The following SUPT3H variants were observed in gnomAD, a reference collection of about 807,000 sequenced individuals.
SUPT3H encodes the protein transcription initiation protein SPT3 homolog.
Under a neutral mutation model 44.3 loss-of-function variants are expected in SUPT3H, and 44 were observed. The ratio of observed to expected loss-of-function variants is 0.99; its 90% CI spans 0.78 to 1.28. SUPT3H has a LOEUF of 1.28. Among genes scored for constraint, SUPT3H ranks in the 50% most tolerant of loss-of-function variants. The pLI is 0.00. For synonymous variants in SUPT3H, 124 were observed against 125.6 expected, an observed-to-expected ratio of 0.99 and a Z score of 0.09; for missense variants, 380 against 387.1, an observed-to-expected ratio of 0.98 and a Z score of 0.15.
At chr6:44,886,491 C>A (rs1448082653) in intron 10 of SUPT3H, among the ~76,000 whole-genome samples, 1 of 152,176 alleles carries the variant, frequency 6.6e-6, no homozygotes, top group Non-Finnish European at 1.5e-5. Context: ...GAACTTTCAA[C>A]CCAGAATTTC....
At chr6:44,889,124 A>T (rs1391790927) in intron 10 of SUPT3H, among the ~76,000 whole-genome samples, 1 of 152,004 alleles carries the variant, frequency 6.6e-6, no homozygotes, top group Non-Finnish European at 1.5e-5. Flanking sequence ...AGAGGATACA[A>T]ACAAATGGAA....
chr6:45,257,994 A>G (rs544575572), intron 2 of SUPT3H, among the ~76,000 whole-genome samples: 2 of 152,360 alleles, frequency 1.3e-5, no homozygotes, highest in Non-Finnish European at 1.5e-5. Flanking sequence ...ACGAAACATA[A>G]TAATTCTCGA....
At chr6:45,001,805 C>T (rs1237085888) in intron 6 of SUPT3H, among the ~76,000 whole-genome samples, 1 of 152,016 alleles carries the variant, frequency 6.6e-6, no homozygotes, top group Non-Finnish European at 1.5e-5. Flanking sequence ...CAAGAGATTG[C>T]AGTCTCTGAG....
At chr6:45,212,527 G>A in intron 2 of SUPT3H, among the ~76,000 whole-genome samples, 1 of 75,642 alleles carries the variant, frequency 1.3e-5, no homozygotes, top group Non-Finnish European at 2.8e-5. Flanking sequence ...GTGTGTGTGT[G>A]TGTGTGTGTG....
intron 2 of SUPT3H, among the ~76,000 whole-genome samples, chr6:45,342,894 C>T (rs1790101573): frequency 6.6e-6 from 1 of 152,042 alleles, no homozygotes; most frequent in East Asian, 1.9e-4. Context: ...TCATGAAAAC[C>T]ATAGAATGTC....
At chr6:45,200,233 G>A (rs1048056425) in intron 2 of SUPT3H, among the ~76,000 whole-genome samples, 1 of 151,340 alleles carries the variant, frequency 6.6e-6, no homozygotes, top group Non-Finnish European at 1.5e-5. Context: ...ATCCTAAAAT[G>A]TAAACATAAT....
intron 10 of SUPT3H, among the ~76,000 whole-genome samples, chr6:44,865,195 G>A (rs572788877): frequency 2.0e-5 from 3 of 152,274 alleles, no homozygotes; most frequent in East Asian, 1.9e-4. Flanking sequence ...CCACCTCAGC[G>A]TGGATTTCAC....
chr6:44,846,877 G>A (rs1367675807), intron 10 of SUPT3H, among the ~76,000 whole-genome samples: 4 of 152,212 alleles, frequency 2.6e-5, no homozygotes, highest in Middle Eastern at 3.4e-3. Flanking sequence ...TGATCTCTCC[G>A]CCTTAGCCTC....
chr6:45,148,694 T>A (rs1168201394), intron 2 of SUPT3H, among the ~76,000 whole-genome samples: 7 of 152,170 alleles, frequency 4.6e-5, no homozygotes, highest in Admixed American at 3.3e-4. Context: ...CTCTTCTGCT[T>A]CCACGAGGGA....
chr6:45,103,944 G>A (rs1004106126), intron 3 of SUPT3H, among the ~76,000 whole-genome samples: 3 of 152,030 alleles, frequency 2.0e-5, no homozygotes, highest in African/African-American at 4.8e-5. Context: ...TCAAAGAGCC[G>A]AAAGGAAAAG....
chr6:45,270,290 A>G (rs1775910716), intron 2 of SUPT3H, among the ~76,000 whole-genome samples: 1 of 151,912 alleles, frequency 6.6e-6, no homozygotes, highest in African/African-American at 2.4e-5. Flanking sequence ...ATACACTATT[A>G]ACTATATTAA....
chr6:45,263,370 T>C (rs998689110), intron 2 of SUPT3H, among the ~76,000 whole-genome samples: 2 of 152,066 alleles, frequency 1.3e-5, no homozygotes, highest in African/African-American at 4.8e-5. Context: ...TCTAAGCAAA[T>C]TAACAAAGGA....
chr6:44,948,806 G>A (rs1194013779), intron 9 of SUPT3H, among the ~76,000 whole-genome samples: 1 of 152,132 alleles, frequency 6.6e-6, no homozygotes, highest in East Asian at 1.9e-4. Context: ...CTGTAAACTA[G>A]TTCAACCATT....
intron 10 of SUPT3H, among the ~76,000 whole-genome samples, chr6:44,901,602 G>GA (rs1765071205): frequency 6.8e-6 from 1 of 147,756 alleles, no homozygotes; most frequent in Non-Finnish European, 1.5e-5. Context: ...ACACTCTGCA[G>GA]GATATTATCC....
At chr6:45,167,741 AT>A (rs1199536468) in intron 2 of SUPT3H, among the ~76,000 whole-genome samples, 1 of 151,786 alleles carries the variant, frequency 6.6e-6, no homozygotes, top group African/African-American at 2.4e-5. Context: ...CTTAACTTTG[AT>A]GAAACACAGC....
chr6:44,878,088 C>T (rs1777593629), intron 10 of SUPT3H, among the ~76,000 whole-genome samples: 1 of 152,214 alleles, frequency 6.6e-6, no homozygotes, highest in Non-Finnish European at 1.5e-5. Flanking sequence ...ATGGGCCAAA[C>T]ACTGAACCCT....
At chr6:45,069,892 T>C (rs1233960488) in intron 3 of SUPT3H, among the ~76,000 whole-genome samples, 1 of 152,060 alleles carries the variant, frequency 6.6e-6, no homozygotes, top group Non-Finnish European at 1.5e-5. Context: ...TCCCTTCCAC[T>C]GATATAAATA....
chr6:45,138,591 A>T (rs531337188), intron 2 of SUPT3H, among the ~76,000 whole-genome samples: 3 of 152,242 alleles, frequency 2.0e-5, no homozygotes, highest in South Asian at 4.1e-4. Flanking sequence ...AAAAGAGGCC[A>T]GATGGAAAAT....
chr6:45,363,423 A>T (rs1243026787), intron 2 of SUPT3H, among the ~76,000 whole-genome samples: 1 of 152,208 alleles, frequency 6.6e-6, no homozygotes, highest in African/African-American at 2.4e-5. Flanking sequence ...GAAAGGTTAA[A>T]TAAGACTGGA....
Sources: gnomAD v4.1 joint callset for allele counts (sites outside exome capture counted in the v4.1 genomes callset) on GRCh38, gnomAD v4.1.1 for gene constraint, MANE v1.5 for transcripts, NCBI Gene and HGNC (gene_info 2026-07-23, HGNC 2026-07-21) for gene names.